Variants in VWA3A observed in about 807,000 individuals in gnomAD.
VWA3A encodes von Willebrand factor A domain-containing protein 3A.
Under a neutral mutation model 160.4 loss-of-function variants are expected in VWA3A, and 134 were observed. That is an observed-to-expected ratio of 0.84 (90% CI 0.73 to 0.96). VWA3A has a LOEUF of 0.96. VWA3A is among the 40% of genes least tolerant of loss of function. VWA3A has a pLI of 0.00. For missense variants in VWA3A, 1,310 were observed against 1,447.9 expected, an observed-to-expected ratio of 0.90 and a Z score of 1.55; for synonymous variants, 476 against 543.4, an observed-to-expected ratio of 0.88 and a Z score of 1.72.
At chr16:22,132,508 C>G (rs2045965863) in intron 19 of VWA3A, among the ~76,000 whole-genome samples, 1 of 151,934 alleles carries the variant, frequency 6.6e-6, no homozygotes. Flanking sequence ...TGTTTATGAC[C>G]CTGCACTCCA....
intron 21 of VWA3A, among the ~76,000 whole-genome samples, chr16:22,136,271 C>T (rs1478694667): frequency 6.6e-6 from 1 of 152,116 alleles, no homozygotes; most frequent in Non-Finnish European, 1.5e-5. Context: ...TACAAACTGA[C>T]CCCCACGCTC....
At position 22,126,116 on chromosome 16, in the gene VWA3A, G is replaced by C. The variant is rs1598075720; in HGVS notation, c.1533-62G>C. 13 of 1,599,646 alleles carry C rather than the reference G, an allele frequency of 8.1e-6. No individual in the cohort carries two copies. The East Asian group carries it at 2.9e-4, about 36-fold the overall frequency. ...GAAAAAAACTTTAAATAGTAAAATG[G>C]AACAAAATAAACATTATCTCAGAGA... is the stretch of plus-strand genomic sequence containing the variant. On this transcript the variant is annotated intron_variant, in intron 16 of 33. Coordinates refer to ENST00000389398, the MANE Select transcript of VWA3A (RefSeq NM_173615.5).
chr16:22,116,380 AGAG>A (rs1351450375), intron 9 of VWA3A: 5 of 447,950 alleles, frequency 1.1e-5, no homozygotes, highest in African/African-American at 6.2e-5. Context: ...GAGAGAAAAA[AGAG>A]GAAGGAAAGA....
At chr16:22,154,229 C>A (rs1386689453) in intron 31 of VWA3A, among the ~76,000 whole-genome samples, 3 of 151,948 alleles carry the variant, frequency 2.0e-5, no homozygotes, top group African/African-American at 7.3e-5. Context: ...AATTCCTTAT[C>A]CAATCAGATT....
At position 22,131,632 on chromosome 16, in the gene VWA3A, C is replaced by G; in HGVS notation, c.1775C>G (p.Ala592Gly). The G allele has an allele frequency of 6.2e-7, 1 of 1,613,936 alleles. No individual in the cohort carries two copies. The highest frequency in any genetic ancestry group is 8.5e-7 in the Non-Finnish European group (1 of 1,179,854). ...CGGGGCAGCAGGAACGTTCTCAGCG[C>G]CCTGCGGAAGGCTGTGGAAGTAGAC... Reference protein sequence around the residue: ...RCRGSRNVLSALRKAVEVDFK... With the variant: ...RCRGSRNVLSGLRKAVEVDFK... Residue 592 changes from alanine (A) to glycine (G), a missense_variant, in exon 19 of 34, where the codon GCC becomes GGC. Coordinates refer to ENST00000389398, the MANE Select transcript of VWA3A (RefSeq NM_173615.5).
rs2045952879 is a variant in VWA3A at position 22,131,722 on chromosome 16, A to G, written c.1865A>G (p.Gln622Arg). Residue 622 changes from glutamine (Q) to arginine (R), a missense_variant, in exon 19 of 34, where the codon CAG becomes CGG. Transcript: ENST00000389398. ...CTCTTCACTGGGGGCATCCCCGACC[A>G]GGACATGGTGGGTAGGCCACGTCCT... ...IYLFTGGIPDQDMPTLSAYMA... is the reference protein window; with the variant it reads ...IYLFTGGIPDRDMPTLSAYMA... 2 of 1,613,288 alleles carry G rather than the reference A, an allele frequency of 1.2e-6. No individual in the cohort carries two copies. The highest frequency in any genetic ancestry group is 1.7e-5 in the Admixed American group (1 of 59,954).
At chr16:22,102,958 C>A (rs1225406199) in intron 5 of VWA3A, among the ~76,000 whole-genome samples, 1 of 152,200 alleles carries the variant, frequency 6.6e-6, no homozygotes, top group Non-Finnish European at 1.5e-5. Flanking sequence ...TGTCATTTAT[C>A]CTGTGCACTG....
In VWA3A at chr16:22,148,220, G is replaced by A. The variant is rs781153616; in HGVS notation, c.2898G>A (p.Thr966=). The change falls in exon 28 of 34, where the codon ACG becomes ACA. Residue 966 remains threonine (T), a synonymous_variant. Coordinates refer to ENST00000389398, the MANE Select transcript of VWA3A (RefSeq NM_173615.5). Reference sequence around the variant, plus strand: ...GCAAAGTATGCATATTGCTGGACACGTCAGGGTCCATGGGCCCCTACCTGC... The same window carrying A: ...GCAAAGTATGCATATTGCTGGACACATCAGGGTCCATGGGCCCCTACCTGC... The part of the protein sequence containing the change: ...LESKVCILLD[T]SGSMGPYLQQ... 8.1e-6 allele frequency: 13 copies of A among 1,601,818 alleles called. No individual in the cohort carries two copies. Among genetic ancestry groups the A allele is most frequent in the East Asian group, 4.5e-5 (2 of 44,504 alleles).
At chr16:22,118,721 C>T (rs2045685821) in intron 11 of VWA3A, among the ~76,000 whole-genome samples, 181 bp from the exon 12 acceptor site, 1 of 152,152 alleles carries the variant, frequency 6.6e-6, no homozygotes, top group Non-Finnish European at 1.5e-5. Flanking sequence ...AGGCCAATTG[C>T]ACAAACGGAG....
chr16:22,109,616 A>AC, intron 7 of VWA3A, 36 bp downstream of exon 7: 1 of 1,566,928 alleles, frequency 6.4e-7, no homozygotes, highest in Non-Finnish European at 8.8e-7. Flanking sequence ...ACCTGGAACC[A>AC]CCCACTACCC....
intron 11 of VWA3A, 75 bp downstream of exon 11, chr16:22,117,251 G>A (rs1276346254): frequency 2.7e-6 from 4 of 1,465,898 alleles, no homozygotes; most frequent in Non-Finnish European, 3.7e-6. Context: ...CAGGAGATCT[G>A]GGCCAGGACC....
In VWA3A at chr16:22,141,679, A is replaced by G; in HGVS notation, c.2481A>G (p.Lys827=). The change falls in exon 24 of 34, where the codon AAA becomes AAG. Residue 827 remains lysine (K), a synonymous_variant. Transcript: ENST00000389398. ...ETSLLLFYTE[K]GNDVGSVYKK... is the part of the protein sequence containing the mutation. ...CTCTTTTACTGTTCTACACAGAGAA[A>G]GGGAATGACGTGGGTAAGTTAGAGG... 6.2e-7 allele frequency: 1 copy of G among 1,609,634 alleles called. No individual in the cohort carries two copies. Among genetic ancestry groups the G allele is most frequent in the South Asian group, 1.1e-5 (1 of 89,910 alleles).
intron 22 of VWA3A, 33 bp from the exon 23 acceptor site, chr16:22,140,121 C>A: frequency 6.3e-7 from 1 of 1,599,942 alleles, no homozygotes; most frequent in Non-Finnish European, 8.5e-7. Flanking sequence ...ACAGGGAACA[C>A]TCCTCTGATG....
intron 17 of VWA3A, among the ~76,000 whole-genome samples, chr16:22,128,669 G>A (rs1285653922): frequency 6.6e-6 from 1 of 152,090 alleles, no homozygotes; most frequent in Non-Finnish European, 1.5e-5. Flanking sequence ...AGCAACAGAT[G>A]GAATCAATGT....
At chr16:22,102,479 C>T (rs1043328810) in intron 5 of VWA3A, among the ~76,000 whole-genome samples, 4 of 152,096 alleles carry the variant, frequency 2.6e-5, no homozygotes, top group South Asian at 2.1e-4. Flanking sequence ...TTTTTTGTCC[C>T]TCTCTAGGCC....
intron 16 of VWA3A, among the ~76,000 whole-genome samples, chr16:22,124,840 C>G (rs892417329): frequency 2.0e-5 from 3 of 152,028 alleles, no homozygotes; most frequent in Non-Finnish European, 4.4e-5. Flanking sequence ...GGAACTTGAA[C>G]CAAGGTCTTC....
intron 17 of VWA3A, among the ~76,000 whole-genome samples, chr16:22,127,522 T>C (rs1437675088): frequency 1.3e-5 from 2 of 152,180 alleles, no homozygotes; most frequent in Non-Finnish European, 2.9e-5. Context: ...TAGGTTTTTA[T>C]ACAACCTCAT....
intron 15 of VWA3A, 79 bp downstream of exon 15, chr16:22,123,244 C>A: frequency 7.3e-7 from 1 of 1,366,828 alleles, no homozygotes; most frequent in Non-Finnish European, 1.0e-6. Context: ...GCTATGAAGT[C>A]ACCAAGCCAT....
chr16:22,131,555 C>T (rs764526703), intron 18 of VWA3A, 30 bp from the exon 19 acceptor site: 2 of 1,606,080 alleles, frequency 1.2e-6, no homozygotes, highest in South Asian at 2.2e-5. Context: ...GGGCCAATGA[C>T]CCTCAGCATG....
Sources: allele counts gnomAD v4.1 joint callset (sites outside exome capture counted in the v4.1 genomes callset), GRCh38; gene constraint gnomAD v4.1.1; transcripts MANE v1.5; gene names NCBI Gene and HGNC (gene_info 2026-07-23, HGNC 2026-07-21).